RBFOX1: variants seen among roughly 807,000 people sequenced by gnomAD.
RBFOX1 encodes the protein RNA binding fox-1 homolog 1, also known as RNA binding protein fox-1 homolog 1.
In RBFOX1, 8 loss-of-function variants were observed where a neutral mutation model predicts 57.7. The ratio of observed to expected loss-of-function variants is 0.14; its 90% CI spans 0.08 to 0.25. RBFOX1 has a LOEUF of 0.25. RBFOX1 is among the 10% of genes least tolerant of loss of function. The pLI is 1.00. For synonymous variants in RBFOX1, 326 were observed against 222.4 expected, an observed-to-expected ratio of 1.47 and a Z score of -4.15; for missense variants, 611 against 548.5, an observed-to-expected ratio of 1.11 and a Z score of -1.14.
At chr16:6,634,995 T>A (rs1268747296) in intron 2 of RBFOX1, among the ~76,000 whole-genome samples, 1 of 142,262 alleles carries the variant, frequency 7.0e-6, no homozygotes, top group Non-Finnish European at 1.5e-5. Context: ...TTATATATAA[T>A]GTAATATAAT....
intron 4 of RBFOX1, among the ~76,000 whole-genome samples, chr16:7,472,525 G>A (rs1038289904): frequency 6.6e-6 from 1 of 152,144 alleles, no homozygotes; most frequent in Non-Finnish European, 1.5e-5. Context: ...CTTTATTTTA[G>A]AATGCGATAT....
rs747935121 is a variant in RBFOX1 at position 7,052,108 on chromosome 16, C to T, written c.27+10C>T. 2.5e-6 allele frequency: 4 copies of T among 1,594,952 alleles called. No homozygotes were observed. Among genetic ancestry groups the T allele is most frequent in the South Asian group, 1.2e-5 (1 of 86,276 alleles). On this transcript the variant is annotated intron_variant, in intron 4 of 15. Transcript: ENST00000550418. ...AAGAGAGCAGCTAAGGGTAGGTGCA[C>T]CTGCTTGTAAAATGCTTCCTGATTC...
intron 1 of RBFOX1, among the ~76,000 whole-genome samples, chr16:6,103,289 A>G (rs897733314): frequency 6.6e-6 from 1 of 152,192 alleles, no homozygotes; most frequent in African/African-American, 2.4e-5. Flanking sequence ...TTCATTCTGC[A>G]GTACTCATAT....
Position 6,452,366 on chromosome 16 carries a change from G to C in RBFOX1, c.-64+135309G>C, listed in dbSNP as rs575850267. Among the ~76,000 whole-genome samples the C allele has an allele frequency of 1.1e-3, 161 of 150,466 alleles. 1 individual carries two copies. The highest frequency in any genetic ancestry group is 3.7e-3 in the African/African-American group (151 of 40,792). ...TCCATCCATGGCTCCTTCCTTCCCT[G>C]GCTCTCTTCTTTCCATGTCTCTTTT... is the stretch of plus-strand genomic sequence containing the variant. On this transcript the variant is annotated intron_variant, in intron 2 of 15. Transcript: ENST00000550418.
chr16:6,569,657 G>A (rs2097316866), intron 2 of RBFOX1, among the ~76,000 whole-genome samples: 1 of 152,146 alleles, frequency 6.6e-6, no homozygotes, highest in Non-Finnish European at 1.5e-5. Context: ...TCTGTCCATG[G>A]GTGGTTTTCT....
At chr16:5,454,954 C>T (rs183185863) in intron 1 of RBFOX1, among the ~76,000 whole-genome samples, 8,194 of 38,442 alleles carry the variant, frequency 0.21, 690 homozygotes, top group East Asian at 0.32. Context: ...TTCCTTCCTT[C>T]CTTCCTTTCT....
At chr16:6,612,940 T>A (rs2098085800) in intron 2 of RBFOX1, among the ~76,000 whole-genome samples, 1 of 151,818 alleles carries the variant, frequency 6.6e-6, no homozygotes, top group Non-Finnish European at 1.5e-5. Context: ...AAATTCAGTT[T>A]GACAAACAAA....
intron 3 of RBFOX1, among the ~76,000 whole-genome samples, chr16:5,735,002 A>C (rs906555985): frequency 1.3e-5 from 2 of 152,216 alleles, no homozygotes; most frequent in African/African-American, 4.8e-5. Flanking sequence ...AAAAGAAAGA[A>C]GACAACTCCA....
chr16:6,383,391 T>C (rs957777954), intron 2 of RBFOX1, among the ~76,000 whole-genome samples: 2 of 152,046 alleles, frequency 1.3e-5, no homozygotes, highest in African/African-American at 4.8e-5. Context: ...CTGTATGGAG[T>C]CTGTGCAGTC....
chr16:7,511,414 C>G (rs1016397056), intron 4 of RBFOX1, among the ~76,000 whole-genome samples: 8 of 152,160 alleles, frequency 5.3e-5, no homozygotes, highest in African/African-American at 1.9e-4. Flanking sequence ...GACTCTGTCT[C>G]CTGAGTCCAC....
At chr16:6,208,214 A>G (rs2097268085) in intron 1 of RBFOX1, among the ~76,000 whole-genome samples, 1 of 152,166 alleles carries the variant, frequency 6.6e-6, no homozygotes, top group Non-Finnish European at 1.5e-5. Context: ...GTTTAAAAAA[A>G]TACTGATTAC....
intron 2 of RBFOX1, among the ~76,000 whole-genome samples, chr16:6,556,008 T>C (rs2097093226): frequency 6.6e-6 from 1 of 152,188 alleles, no homozygotes; most frequent in Non-Finnish European, 1.5e-5. Context: ...TTTTTTGTCC[T>C]TGGTAATATT....
chr16:6,887,269 C>T (rs896810914), intron 3 of RBFOX1, among the ~76,000 whole-genome samples: 1 of 152,116 alleles, frequency 6.6e-6, no homozygotes, highest in Non-Finnish European at 1.5e-5. Context: ...ACTGTGTTAT[C>T]TGCGAAGATG....
At chr16:6,915,601 A>T (rs1354222508) in intron 3 of RBFOX1, among the ~76,000 whole-genome samples, 2 of 135,678 alleles carry the variant, frequency 1.5e-5, no homozygotes, top group Non-Finnish European at 3.0e-5. Context: ...CCCAGGCTGG[A>T]GTGCAGTGCC....
chr16:6,852,641 A>T (rs945400625), intron 3 of RBFOX1, among the ~76,000 whole-genome samples: 1 of 150,670 alleles, frequency 6.6e-6, no homozygotes, highest in Non-Finnish European at 1.5e-5. Flanking sequence ...TGGGAGAGGT[A>T]CATGCTGGGA....
chr16:7,703,144 G>A (rs1027016875), intron 14 of RBFOX1, among the ~76,000 whole-genome samples: 2 of 152,226 alleles, frequency 1.3e-5, no homozygotes, highest in Non-Finnish European at 1.5e-5. Flanking sequence ...ATGCTGTACG[G>A]TAAGTGTGCG....
chr16:6,476,839 C>A (rs142935285), intron 2 of RBFOX1, among the ~76,000 whole-genome samples: 1 of 152,296 alleles, frequency 6.6e-6, no homozygotes, highest in Non-Finnish European at 1.5e-5. Context: ...GGAGTGAATC[C>A]TTTCAAACTT....
intron 3 of RBFOX1, among the ~76,000 whole-genome samples, chr16:6,927,544 T>C (rs1414527327): frequency 6.6e-6 from 1 of 152,058 alleles, no homozygotes; most frequent in South Asian, 2.1e-4. Context: ...TTGTTTTGTT[T>C]TGTTTTGTTT....
Position 7,442,317 on chromosome 16 carries a change from C to T in RBFOX1, c.28-75830C>T, listed in dbSNP as rs143963874. On this transcript the variant is annotated intron_variant, in intron 4 of 15. Coordinates refer to ENST00000550418, the MANE Select transcript of RBFOX1 (RefSeq NM_018723.4). ...TCCTCTGCCTTCTCCAGCAGCAGTC[C>T]GTCTCCCAGCACAGCCTTCCTTAGG... Among the ~76,000 whole-genome samples the T allele has an allele frequency of 3.5e-3, 536 of 152,226 alleles. 2 individuals are homozygous for T. Among genetic ancestry groups the T allele is most frequent in the African/African-American group, 0.012 (516 of 41,562 alleles).
Sources: allele counts gnomAD v4.1 joint callset (sites outside exome capture counted in the v4.1 genomes callset), GRCh38; gene constraint gnomAD v4.1.1; transcripts MANE v1.5; gene names NCBI Gene and HGNC (gene_info 2026-07-23, HGNC 2026-07-21).